Variants in RIMS1 observed in about 807,000 individuals in gnomAD.
RIMS1 encodes the protein regulating synaptic membrane exocytosis 1.
A neutral mutation model predicts 214.1 loss-of-function variants in RIMS1; 83 were observed. That is an observed-to-expected ratio of 0.39 (90% CI 0.32 to 0.47). The LOEUF (loss-of-function observed/expected upper bound fraction) is 0.47. Ranked by LOEUF, RIMS1 falls within the 20% of genes least tolerant of loss-of-function variation. The pLI is 0.99. For missense variants in RIMS1, 2,050 were observed against 2,161.8 expected, an observed-to-expected ratio of 0.95 and a Z score of 1.03; for synonymous variants, 793 against 786.8, an observed-to-expected ratio of 1.01 and a Z score of -0.13.
intron 6 of RIMS1, among the ~76,000 whole-genome samples, chr6:72,196,933 T>G (rs941600392): frequency 2.0e-5 from 3 of 152,006 alleles, no homozygotes; most frequent in Non-Finnish European, 2.9e-5. Context: ...GCATGTTCAT[T>G]CAGTATTTGT....
At chr6:71,938,433 A>C (rs941957825) in intron 1 of RIMS1, among the ~76,000 whole-genome samples, 1 of 152,198 alleles carries the variant, frequency 6.6e-6, no homozygotes, top group Admixed American at 6.5e-5. Flanking sequence ...GTTTCTGTCC[A>C]TGACATTCTT....
chr6:72,343,492 CTTTT>C (rs764125827), intron 29 of RIMS1, among the ~76,000 whole-genome samples: 75 of 57,306 alleles, frequency 1.3e-3, no homozygotes, highest in African/African-American at 6.5e-3. Context: ...TCTTCTTCTT[CTTTT>C]TTTTTTTTTT....
At chr6:71,995,255 T>A (rs1803036751) in intron 2 of RIMS1, among the ~76,000 whole-genome samples, 1 of 152,212 alleles carries the variant, frequency 6.6e-6, no homozygotes, top group Admixed American at 6.6e-5. Context: ...GGAAATTAAT[T>A]TAGAAATGAC....
chr6:72,278,257 T>C (rs1242766095), intron 23 of RIMS1, among the ~76,000 whole-genome samples: 1 of 152,114 alleles, frequency 6.6e-6, no homozygotes, highest in Non-Finnish European at 1.5e-5. Context: ...AAATATTTGG[T>C]TAAATAATCT....
At chr6:72,364,373 T>C (rs904615188) in intron 29 of RIMS1, among the ~76,000 whole-genome samples, 20 of 152,214 alleles carry the variant, frequency 1.3e-4, no homozygotes, top group Admixed American at 8.5e-4. Context: ...AATTATTCCA[T>C]AGAGCATGAG....
intron 29 of RIMS1, among the ~76,000 whole-genome samples, chr6:72,360,010 T>C (rs1252083510): frequency 6.6e-6 from 1 of 152,222 alleles, no homozygotes; most frequent in Non-Finnish European, 1.5e-5. Flanking sequence ...ACACAAGTTG[T>C]ATAAAATTTA....
chr6:72,345,275 C>A (rs2097219808), intron 29 of RIMS1, among the ~76,000 whole-genome samples: 1 of 151,606 alleles, frequency 6.6e-6, no homozygotes, highest in Admixed American at 6.6e-5. Context: ...GGTATCACCA[C>A]TAATTGCAAA....
Position 72,165,117 on chromosome 6 carries a change from ATG to A in RIMS1, c.472-14454_472-14453del, listed in dbSNP as rs569182446. Among the ~76,000 whole-genome samples the A allele has an allele frequency of 2.1e-3, 321 of 152,158 alleles. 4 individuals carry two copies. Among genetic ancestry groups the A allele is most frequent in the African/African-American group, 6.9e-3 (287 of 41,516 alleles). On this transcript the variant is annotated intron_variant, in intron 4 of 33. Coordinates refer to ENST00000521978, the MANE Select transcript of RIMS1 (RefSeq NM_014989.7). ...TATTAAATATTTTTTTCCATATTTTATGTGTTTATTGTAATCATCTTTGTTTT... is the reference window on the plus strand; with the variant it reads ...TATTAAATATTTTTTTCCATATTTTATGTTTATTGTAATCATCTTTGTTTT...
intron 1 of RIMS1, among the ~76,000 whole-genome samples, chr6:71,955,967 T>C (rs1193365285): frequency 6.6e-6 from 1 of 152,160 alleles, no homozygotes; most frequent in African/African-American, 2.4e-5. Context: ...GCTAATTTAC[T>C]ACTTAATGTT....
chr6:71,958,131 A>G (rs557826755), intron 1 of RIMS1, among the ~76,000 whole-genome samples: 1 of 152,220 alleles, frequency 6.6e-6, no homozygotes, highest in South Asian at 2.1e-4. Context: ...AATCTAAGTT[A>G]TTATTATTGC....
intron 4 of RIMS1, among the ~76,000 whole-genome samples, chr6:72,109,050 A>G (rs981222314): frequency 6.6e-6 from 1 of 152,000 alleles, no homozygotes; most frequent in African/African-American, 2.4e-5. Context: ...TTATGGCTGC[A>G]TAGTATTCCA....
intron 6 of RIMS1, chr6:72,216,852 G>T (rs1211413341): frequency 5.9e-6 from 6 of 1,017,950 alleles, no homozygotes; most frequent in Non-Finnish European, 7.0e-6. Context: ...TAATTGAGGA[G>T]CTAAAAGAGC....
intron 4 of RIMS1, among the ~76,000 whole-genome samples, chr6:72,142,231 G>A (rs1025758628): frequency 6.6e-6 from 1 of 151,824 alleles, no homozygotes; most frequent in East Asian, 1.9e-4. Context: ...CCCTTTATAG[G>A]AGAAAAGTAA....
intron 2 of RIMS1, among the ~76,000 whole-genome samples, chr6:72,050,217 T>A (rs547915680): frequency 1.5e-4 from 23 of 152,196 alleles, no homozygotes; most frequent in African/African-American, 5.1e-4. Flanking sequence ...GTAATATCTA[T>A]TTTTTTAAGA....
At chr6:72,372,250 G>C (rs72935581) in intron 29 of RIMS1, among the ~76,000 whole-genome samples, 2,990 of 152,100 alleles carry the variant, frequency 0.02, 45 homozygotes, top group Non-Finnish European at 0.03. Flanking sequence ...GAAAATAAAA[G>C]GTAAAAGTAT....
chr6:71,940,201 C>T (rs563632895), intron 1 of RIMS1, among the ~76,000 whole-genome samples: 77 of 152,272 alleles, frequency 5.1e-4, no homozygotes, highest in Non-Finnish European at 9.3e-4. Flanking sequence ...CTTCCAATCA[C>T]ATCCATATTT....
chr6:71,985,478 C>T (rs1044991528), intron 2 of RIMS1, among the ~76,000 whole-genome samples: 1 of 152,116 alleles, frequency 6.6e-6, no homozygotes, highest in Admixed American at 6.6e-5. Context: ...ATACATGTCA[C>T]GGTCCATGCT....
intron 4 of RIMS1, among the ~76,000 whole-genome samples, chr6:72,116,544 A>C (rs1231955267): frequency 6.6e-6 from 1 of 152,026 alleles, no homozygotes; most frequent in Non-Finnish European, 1.5e-5. Flanking sequence ...CATTTAGGCA[A>C]CTATTTAATC....
In RIMS1 at chr6:72,161,753, C is replaced by G. The variant is rs929840171; in HGVS notation, c.472-17822C>G. Among the ~76,000 whole-genome samples, 3 of 140,744 alleles carry G rather than the reference C, an allele frequency of 2.1e-5. 1 individual carries two copies. The highest frequency in any genetic ancestry group is 4.8e-5 in the Non-Finnish European group (3 of 62,036). The allele number at this position is 140,744 out of a possible 152,430, so 92.3% of individuals were successfully genotyped here. On this transcript the variant is annotated intron_variant, in intron 4 of 33. Transcript: ENST00000521978. ...TTTGATTGCACTGTGGTCTGAGAGA[C>G]AGTTTGTTGTGATTTCTGTCCTTTC...
Sources: gnomAD v4.1 joint callset for allele counts (sites outside exome capture counted in the v4.1 genomes callset) on GRCh38, gnomAD v4.1.1 for gene constraint, MANE v1.5 for transcripts, NCBI Gene and HGNC (gene_info 2026-07-23, HGNC 2026-07-21) for gene names.